Variants in TMEM181 observed in about 807,000 individuals in gnomAD.
TMEM181 encodes the protein G protein-coupled receptor 178.
TMEM181 carries 39 observed loss-of-function variants against 71.9 expected under a neutral mutation model. The observed-to-expected ratio is 0.54, with a 90% CI of 0.42 to 0.71. The LOEUF is 0.71. Among genes scored for constraint, TMEM181 ranks in the 30% least tolerant of loss-of-function variants. The pLI is 0.00. For synonymous variants in TMEM181, 245 were observed against 228.8 expected, an observed-to-expected ratio of 1.07 and a Z score of -0.64; for missense variants, 595 against 583.0, an observed-to-expected ratio of 1.02 and a Z score of -0.21.
At chr6:158,569,919 T>G (rs1232585196) in intron 1 of TMEM181, among the ~76,000 whole-genome samples, 6 of 152,216 alleles carry the variant, frequency 3.9e-5, no homozygotes, top group African/African-American at 4.8e-5. Context: ...TGCCCTTTCT[T>G]AAGGCCTCTT....
chr6:158,572,327 C>T (rs1410808294), intron 1 of TMEM181: 1 of 448,772 alleles, frequency 2.2e-6, no homozygotes, highest in Non-Finnish European at 4.5e-6. Flanking sequence ...GTCCATCTCC[C>T]TGGGTGGACG....
chr6:158,611,203 C>A, intron 10 of TMEM181: 1 of 514,454 alleles, frequency 1.9e-6, no homozygotes. Flanking sequence ...TCTCCACTGA[C>A]CTCTGGGATT....
intron 8 of TMEM181, 132 bp downstream of exon 8, chr6:158,607,475 T>A: frequency 2.6e-6 from 2 of 759,740 alleles, no homozygotes; most frequent in Non-Finnish European, 2.2e-6. Flanking sequence ...GCCAGGAGTT[T>A]AACACCAGCC....
chr6:158,564,070 G>T (rs779929783), intron 1 of TMEM181, among the ~76,000 whole-genome samples: 4 of 152,212 alleles, frequency 2.6e-5, no homozygotes, highest in Admixed American at 2.6e-4. Flanking sequence ...GAGCCACTGC[G>T]CCTGGCTTGT....
intron 1 of TMEM181, among the ~76,000 whole-genome samples, chr6:158,545,454 C>T (rs774601791): frequency 1.3e-5 from 2 of 152,234 alleles, no homozygotes; most frequent in African/African-American, 2.4e-5. Context: ...AAGGGCTGAT[C>T]GCCTGCCTCT....
intron 2 of TMEM181, among the ~76,000 whole-genome samples, chr6:158,574,838 A>T (rs563333253): frequency 6.6e-6 from 1 of 152,336 alleles, no homozygotes; most frequent in Non-Finnish European, 1.5e-5. Flanking sequence ...AGAAGTCCAA[A>T]GGTCTGCAGT....
chr6:158,627,976 C>T (rs529272089), intron 13 of TMEM181, among the ~76,000 whole-genome samples: 205 of 152,236 alleles, frequency 1.3e-3, no homozygotes, highest in African/African-American at 4.5e-3. Context: ...ACCGGGGAGG[C>T]GTCCCTGTGT....
chr6:158,541,123 A>G (rs192419556), intron 1 of TMEM181, among the ~76,000 whole-genome samples: 7 of 152,114 alleles, frequency 4.6e-5, no homozygotes, highest in African/African-American at 1.4e-4. Flanking sequence ...TGAGTGAAAT[A>G]TCTTGGAGCA....
At chr6:158,540,065 T>G (rs1419648974) in intron 1 of TMEM181, among the ~76,000 whole-genome samples, 1 of 152,226 alleles carries the variant, frequency 6.6e-6, no homozygotes, top group Admixed American at 6.5e-5. Context: ...AGTTCTTTCT[T>G]TTTAACTTGA....
chr6:158,576,615 A>G (rs564864542), intron 2 of TMEM181, among the ~76,000 whole-genome samples: 3 of 152,252 alleles, frequency 2.0e-5, no homozygotes, highest in African/African-American at 7.2e-5. Flanking sequence ...AGAAAACCTT[A>G]AGTTTAAACC....
chr6:158,632,949 GTC>G lies in TMEM181; in HGVS notation c.*1062_*1063del, dbSNP rs1786741575. 6.6e-6 allele frequency: 1 copy of G among 152,254 alleles called. No homozygotes were observed. The highest frequency in any genetic ancestry group is 1.5e-5 in the Non-Finnish European group (1 of 68,140). The allele number at this position is 152,254 out of a possible 1,614,324, so 9.4% of individuals were successfully genotyped here. On this transcript the variant is annotated 3_prime_UTR_variant, in exon 17 of 17. Transcript: ENST00000684151. ...CTGGGCATGCTGGGGCATGCCCATA[GTC>G]CCAGCTACTCAGGAGGCTGAGGTGG...
At chr6:158,581,597 C>T (rs908429145) in intron 3 of TMEM181, among the ~76,000 whole-genome samples, 3 of 151,572 alleles carry the variant, frequency 2.0e-5, no homozygotes, top group East Asian at 1.9e-4. Flanking sequence ...ACTGAAAATA[C>T]AAAAAAATTA....
intron 6 of TMEM181, among the ~76,000 whole-genome samples, chr6:158,602,939 A>G (rs889456778): frequency 2.0e-5 from 3 of 152,104 alleles, no homozygotes; most frequent in African/African-American, 7.2e-5. Context: ...TTTTCTGACA[A>G]GAAATCTGAT....
At position 158,555,083 on chromosome 6, in the gene TMEM181, C is replaced by G. The variant is rs550245982; in HGVS notation, c.131+18218C>G. On this transcript the variant is annotated intron_variant, in intron 1 of 16. Transcript: ENST00000367090. The stretch of plus-strand genomic sequence containing the variant: ...TAAGGAAAACAAACTCTCCAAAGAG[C>G]CTTGAACTAGTAACAAATGTATCTT... 3.9e-5 allele frequency among the ~76,000 whole-genome samples: 6 copies of G among 152,292 alleles called. No homozygotes were observed. The South Asian group carries it at 1.2e-3, about 32-fold the overall frequency.
At chr6:158,578,530 A>G (rs1783290672) in intron 2 of TMEM181, among the ~76,000 whole-genome samples, 1 of 152,240 alleles carries the variant, frequency 6.6e-6, no homozygotes, top group Non-Finnish European at 1.5e-5. Context: ...CACAATATAT[A>G]AAGATAGGCT....
intron 1 of TMEM181, among the ~76,000 whole-genome samples, chr6:158,568,981 A>G (rs1782660882): frequency 6.6e-6 from 1 of 151,980 alleles, no homozygotes; most frequent in African/African-American, 2.4e-5. Context: ...AATCTTTTTT[A>G]TTTTAATTTT....
intron 10 of TMEM181, 62 bp from the exon 11 acceptor site, chr6:158,623,488 A>C: frequency 1.7e-6 from 2 of 1,171,256 alleles, no homozygotes; most frequent in South Asian, 3.4e-5. Context: ...AATAAGAAAA[A>C]ATGTAAAATA....
intron 15 of TMEM181, among the ~76,000 whole-genome samples, 183 bp downstream of exon 15, chr6:158,630,002 A>G (rs139358968): frequency 1.5e-3 from 226 of 152,296 alleles, no homozygotes; most frequent in African/African-American, 5.2e-3. Context: ...CAGCATATGT[A>G]GAACCTGCGT....
chr6:158,574,239 C>T (rs1178757064), intron 2 of TMEM181, among the ~76,000 whole-genome samples: 2 of 152,134 alleles, frequency 1.3e-5, no homozygotes, highest in African/African-American at 2.4e-5. Context: ...CTTAACCTGT[C>T]CCAGAGGCAA....
Sources: gnomAD v4.1 joint callset for allele counts (sites outside exome capture counted in the v4.1 genomes callset) on GRCh38, gnomAD v4.1.1 for gene constraint, MANE v1.5 for transcripts, NCBI Gene and HGNC (gene_info 2026-07-23, HGNC 2026-07-21) for gene names.